SBF2: variants seen among roughly 807,000 people sequenced by gnomAD.
SBF2 encodes myotubularin-related protein 13.
Under a neutral mutation model 225.2 loss-of-function variants are expected in SBF2, and 112 were observed. The ratio of observed to expected loss-of-function variants is 0.50; its 90% CI spans 0.43 to 0.58. SBF2 has a LOEUF of 0.58. SBF2 is among the 20% of genes least tolerant of loss of function. The pLI, the probability that SBF2 is intolerant of heterozygous loss-of-function variation, is 0.00. For synonymous variants in SBF2, 763 were observed against 773.3 expected (o/e 0.99, Z 0.22); for missense variants, 1,996 against 2,206.2 (o/e 0.90, Z 1.91).
At chr11:10,258,985 G>A (rs1430080252) in intron 1 of SBF2, among the ~76,000 whole-genome samples, 1 of 152,202 alleles carries the variant, frequency 6.6e-6, no homozygotes, top group Non-Finnish European at 1.5e-5. Flanking sequence ...AAAAGTAAGA[G>A]ATGGACTCTG....
intron 2 of SBF2, among the ~76,000 whole-genome samples, chr11:10,155,860 G>A (rs938469422): frequency 6.6e-6 from 1 of 152,246 alleles, no homozygotes; most frequent in African/African-American, 2.4e-5. Flanking sequence ...TTTACTGAAA[G>A]AATGAATACA....
chr11:10,108,442 T>C (rs56948226), intron 2 of SBF2, among the ~76,000 whole-genome samples: 3,044 of 152,036 alleles, frequency 0.02, 77 homozygotes, highest in African/African-American at 0.06. Context: ...CAGGGCAGTT[T>C]GGGTGCTTGT....
chr11:10,193,182 T>G (rs1056469778), intron 2 of SBF2, among the ~76,000 whole-genome samples: 2 of 152,136 alleles, frequency 1.3e-5, no homozygotes, highest in African/African-American at 4.8e-5. Context: ...CTTTTGGTTT[T>G]TTATTTATCT....
intron 1 of SBF2, among the ~76,000 whole-genome samples, chr11:10,231,770 G>A (rs953067421): frequency 6.6e-6 from 1 of 152,234 alleles, no homozygotes; most frequent in Non-Finnish European, 1.5e-5. Flanking sequence ...CCCACTTGAG[G>A]AGGCAGTCTG....
At chr11:10,063,082 C>T (rs1950505079) in intron 2 of SBF2, among the ~76,000 whole-genome samples, 1 of 152,012 alleles carries the variant, frequency 6.6e-6, no homozygotes, top group Non-Finnish European at 1.5e-5. Flanking sequence ...CAAACTAATG[C>T]AGGAACAGAA....
At chr11:10,293,902 G>T (rs1964338297) in intron 1 of SBF2, 113 bp downstream of exon 1, 2 of 704,264 alleles carry the variant, frequency 2.8e-6, no homozygotes, top group Admixed American at 4.8e-5. Flanking sequence ...GCTCCTCCGA[G>T]ACTCGGCCTG....
chr11:10,065,901 C>T (rs563353531), intron 2 of SBF2, among the ~76,000 whole-genome samples: 2 of 152,216 alleles, frequency 1.3e-5, no homozygotes, highest in East Asian at 1.9e-4. Flanking sequence ...GAGCCAAGAT[C>T]GCGCCATTGC....
At chr11:9,785,056 G>A in intron 37 of SBF2, 69 bp downstream of exon 37, 2 of 1,343,432 alleles carry the variant, frequency 1.5e-6, no homozygotes, top group Non-Finnish European at 2.1e-6. Context: ...GCTTATTGAG[G>A]GACCTGTGGT....
intron 2 of SBF2, among the ~76,000 whole-genome samples, chr11:10,149,909 C>T (rs1358577061): frequency 6.6e-6 from 1 of 152,132 alleles, no homozygotes; most frequent in Non-Finnish European, 1.5e-5. Flanking sequence ...AAATATTCCT[C>T]AATGAGGAGA....
chr11:9,897,148 A>G (rs1861329817), intron 16 of SBF2, among the ~76,000 whole-genome samples: 1 of 152,202 alleles, frequency 6.6e-6, no homozygotes, highest in South Asian at 2.1e-4. Flanking sequence ...AATAAACACA[A>G]TGCGGTATAC....
intron 2 of SBF2, among the ~76,000 whole-genome samples, chr11:10,074,035 T>C (rs919488632): frequency 1.3e-5 from 2 of 152,206 alleles, no homozygotes; most frequent in African/African-American, 2.4e-5. Context: ...TGAAAATAAA[T>C]GGATGTAGAC....
chr11:10,183,066 T>C (rs111402847), intron 2 of SBF2, among the ~76,000 whole-genome samples: 1,867 of 152,286 alleles, frequency 0.012, 21 homozygotes, highest in Middle Eastern at 0.02. Flanking sequence ...CCACTGTGCC[T>C]GGCCAGTTTT....
intron 28 of SBF2, 23 bp from the exon 29 acceptor site, chr11:9,817,047 G>C (rs1411968220): frequency 1.2e-6 from 2 of 1,613,340 alleles, no homozygotes; most frequent in African/African-American, 2.7e-5. Context: ...CAAAGTCGTG[G>C]AGTGAGATAA....
At chr11:9,798,148 C>T (rs1052353077) in intron 32 of SBF2, among the ~76,000 whole-genome samples, 2 of 152,144 alleles carry the variant, frequency 1.3e-5, no homozygotes, top group African/African-American at 4.8e-5. Flanking sequence ...TCCCTTAATA[C>T]AGCAATTCTC....
intron 1 of SBF2, among the ~76,000 whole-genome samples, chr11:10,225,030 C>T (rs1207289748): frequency 6.6e-6 from 1 of 152,054 alleles, no homozygotes; most frequent in Non-Finnish European, 1.5e-5. Context: ...AATAGGTTTG[C>T]CATCTTGGAG....
At chr11:9,839,219 T>C (rs1017228399) in intron 26 of SBF2, 2 of 432,542 alleles carry the variant, frequency 4.6e-6, no homozygotes, top group Non-Finnish European at 8.6e-6. Flanking sequence ...AAGTTATCTT[T>C]AGTCATGCTA....
chr11:10,220,826 AC>A (rs1459637665), intron 1 of SBF2, among the ~76,000 whole-genome samples: 1 of 151,912 alleles, frequency 6.6e-6, no homozygotes, highest in Non-Finnish European at 1.5e-5. Context: ...AATTCTTCCA[AC>A]CTGTCATTCA....
In SBF2 at chr11:10,124,218, G is replaced by A. The variant is rs924306724; in HGVS notation, c.141+69684C>T. On this transcript the variant is annotated intron_variant, in intron 2 of 39. Transcript: ENST00000256190. Reference sequence around the variant, plus strand: ...AAGTTCTAAGGTGTTTTTGATCAAGGTAATCAACCTTTGTATCTTTTAACT... The same window carrying A: ...AAGTTCTAAGGTGTTTTTGATCAAGATAATCAACCTTTGTATCTTTTAACT... 3.2e-4 allele frequency among the ~76,000 whole-genome samples: 49 copies of A among 152,032 alleles called. 2 individuals are homozygous for A. Among genetic ancestry groups the A allele is most frequent in the Non-Finnish European group, 1.5e-5 (1 of 67,980 alleles).
chr11:10,149,301 T>C (rs1444080704), intron 2 of SBF2: 1 of 152,164 alleles, frequency 6.6e-6, no homozygotes, highest in Non-Finnish European at 1.5e-5. Flanking sequence ...AGAAGTCTTA[T>C]GGGGTCTTTT....
Sources: allele counts gnomAD v4.1 joint callset (sites outside exome capture counted in the v4.1 genomes callset), GRCh38; gene constraint gnomAD v4.1.1; transcripts MANE v1.5; gene names NCBI Gene and HGNC (gene_info 2026-07-23, HGNC 2026-07-21).